Variants in MAML2 observed in about 807,000 individuals in gnomAD.
The protein encoded by MAML2 is mastermind like transcriptional coactivator 2.
In MAML2, 22 loss-of-function variants were observed where a neutral mutation model predicts 96.1. The ratio of observed to expected loss-of-function variants is 0.23; its 90% CI spans 0.16 to 0.33. The LOEUF is 0.33. Ranked by LOEUF, MAML2 falls within the 10% of genes least tolerant of loss-of-function variation. The pLI, the probability that MAML2 is intolerant of heterozygous loss-of-function variation, is 1.00. For synonymous variants in MAML2, 561 were observed against 521.3 expected, an observed-to-expected ratio of 1.08 and a Z score of -1.04; for missense variants, 1,367 against 1,392.4, an observed-to-expected ratio of 0.98 and a Z score of 0.29.
At chr11:96,147,359 T>C (rs908833489) in intron 1 of MAML2, among the ~76,000 whole-genome samples, 4 of 152,250 alleles carry the variant, frequency 2.6e-5, no homozygotes. Flanking sequence ...ATAACCCTTA[T>C]TTTTATACTT....
intron 1 of MAML2, among the ~76,000 whole-genome samples, chr11:96,101,832 T>C (rs564447810): frequency 1.3e-5 from 2 of 152,338 alleles, no homozygotes; most frequent in East Asian, 3.9e-4. Flanking sequence ...GATTTTTTTC[T>C]CCTCATCTGT....
In MAML2 at chr11:96,225,701, C is replaced by T. The variant is rs111391695; in HGVS notation, c.513+115682G>A. ...TACAAAAATTAGCTGGGCGTGGTGG[C>T]GGATACCTGTAGTCCCAGCTACTTG... On this transcript the variant is annotated intron_variant, in intron 1 of 4. Coordinates refer to ENST00000524717, the MANE Select transcript of MAML2 (RefSeq NM_032427.4). Among the ~76,000 whole-genome samples the T allele has an allele frequency of 8.1e-3, 1,231 of 152,008 alleles. 10 individuals are homozygous for T. The highest frequency in any genetic ancestry group is 0.021 in the East Asian group (109 of 5,164).
chr11:96,009,404 A>G (rs1384038755), intron 2 of MAML2, among the ~76,000 whole-genome samples: 1 of 152,200 alleles, frequency 6.6e-6, no homozygotes, highest in African/African-American at 2.4e-5. Context: ...TTTGAATTTA[A>G]CTGGGTCCTG....
chr11:96,003,296 AT>A (rs1858127229), intron 2 of MAML2, among the ~76,000 whole-genome samples: 1 of 152,226 alleles, frequency 6.6e-6, no homozygotes, highest in African/African-American at 2.4e-5. Context: ...AATACTTCTC[AT>A]TTTTTGAAAG....
chr11:96,247,560 C>T lies in MAML2; in HGVS notation c.513+93823G>A, dbSNP rs191402066. Among the ~76,000 whole-genome samples, 296 of 152,242 alleles carry T rather than the reference C, an allele frequency of 1.9e-3. 2 individuals are homozygous for T. The highest frequency in any genetic ancestry group is 6.9e-3 in the African/African-American group (285 of 41,540). ...AATACAACTTTGTCCACTTTGCAGA[C>T]GCCCACTGCCACTGCCCCTGCCCCT... On this transcript the variant is annotated intron_variant, in intron 1 of 4. Transcript: ENST00000524717.
chr11:96,171,033 T>A (rs1325940478), intron 1 of MAML2, among the ~76,000 whole-genome samples: 2 of 151,810 alleles, frequency 1.3e-5, no homozygotes, highest in East Asian at 1.9e-4. Context: ...TTTTTTTTTT[T>A]AAACTACTGG....
Position 95,979,062 on chromosome 11 carries a change from G to A in MAML2, c.3357C>T (p.Gly1119=). 6.2e-7 allele frequency: 1 copy of A among 1,613,972 alleles called. No homozygotes were observed. The highest frequency in any genetic ancestry group is 1.1e-5 in the South Asian group (1 of 91,086). Residue 1119 remains glycine (G), a synonymous_variant, in exon 5 of 5, where the codon GGC becomes GGT. Transcript: ENST00000524717. Reference sequence around the variant, plus strand: ...AATCAGCATCACTGTTTAGGGCAGGGCCCATGTTATCATTTTGTTGGCTGA... The same window carrying A: ...AATCAGCATCACTGTTTAGGGCAGGACCCATGTTATCATTTTGTTGGCTGA... The part of the protein sequence containing the change: ...DFLSQQNDNM[G]PALNSDADFI...
intron 2 of MAML2, among the ~76,000 whole-genome samples, chr11:96,009,800 G>A (rs551162571): frequency 1.7e-4 from 26 of 152,156 alleles, no homozygotes; most frequent in African/African-American, 5.3e-4. Context: ...ATTTTGATAC[G>A]TTTTCCCCCT....
intron 1 of MAML2, among the ~76,000 whole-genome samples, chr11:96,260,959 A>G (rs1841854313): frequency 6.6e-6 from 1 of 152,200 alleles, no homozygotes. Context: ...GGTAAAACCA[A>G]TATAGCATAT....
Position 96,069,538 on chromosome 11 carries a change from C to T in MAML2, c.2139+22354G>A, listed in dbSNP as rs181219000. Among the ~76,000 whole-genome samples the T allele has an allele frequency of 3.3e-5, 5 of 151,928 alleles. No homozygotes were observed. The East Asian group carries it at 5.9e-4, about 18-fold the overall frequency. On this transcript the variant is annotated intron_variant, in intron 2 of 4. Transcript: ENST00000524717. ...AAAAAGTACACAAAAATTAGCCGGG[C>T]GTGGCACATGCCTGTAGTCTCTCAG...
intron 1 of MAML2, among the ~76,000 whole-genome samples, chr11:96,338,999 C>T (rs1430122029): frequency 1.3e-5 from 2 of 152,144 alleles, no homozygotes; most frequent in African/African-American, 2.4e-5. Flanking sequence ...CTCTGAGTAC[C>T]GTGCTGAGTA....
chr11:96,067,006 C>G (rs1024119718), intron 2 of MAML2, among the ~76,000 whole-genome samples: 1 of 152,100 alleles, frequency 6.6e-6, no homozygotes, highest in African/African-American at 2.4e-5. Flanking sequence ...TGTGTGCACA[C>G]GCATGCATGA....
intron 2 of MAML2, among the ~76,000 whole-genome samples, chr11:96,058,598 C>T (rs1391890411): frequency 6.6e-6 from 1 of 152,186 alleles, no homozygotes; most frequent in Non-Finnish European, 1.5e-5. Flanking sequence ...GGATTACAGG[C>T]ATGAGCCATC....
rs116127999 is a variant in MAML2 at position 96,110,073 on chromosome 11, G to A, written c.514-16556C>T. Among the ~76,000 whole-genome samples the A allele has an allele frequency of 6.5e-4, 99 of 152,260 alleles. 1 individual carries two copies. The South Asian group carries it at 0.01, about 16-fold the overall frequency. On this transcript the variant is annotated intron_variant, in intron 1 of 4. Coordinates refer to ENST00000524717, the MANE Select transcript of MAML2 (RefSeq NM_032427.4). Reference sequence around the variant, plus strand: ...TTTCAAGGAGGGAGTGAGCAACCTCGTCAAATGCTACAGAGGTCACCTGCG... The same window carrying A: ...TTTCAAGGAGGGAGTGAGCAACCTCATCAAATGCTACAGAGGTCACCTGCG...
intron 2 of MAML2, among the ~76,000 whole-genome samples, chr11:95,999,989 T>C (rs561837973): frequency 1.3e-5 from 2 of 152,328 alleles, no homozygotes; most frequent in African/African-American, 2.4e-5. Flanking sequence ...TGTCTGCCGA[T>C]GAAGCCATTT....
chr11:96,207,974 C>G (rs1363779301), intron 1 of MAML2, among the ~76,000 whole-genome samples: 1 of 152,158 alleles, frequency 6.6e-6, no homozygotes, highest in African/African-American at 2.4e-5. Flanking sequence ...CCTGTTTTCT[C>G]CATACTAACA....
intron 1 of MAML2, among the ~76,000 whole-genome samples, chr11:96,119,455 G>T (rs780078120): frequency 2.0e-5 from 3 of 152,214 alleles, no homozygotes; most frequent in African/African-American, 4.8e-5. Flanking sequence ...AGAGCCTCCA[G>T]AAGGAAGGCA....
At chr11:96,034,583 T>A (rs1228861110) in intron 2 of MAML2, among the ~76,000 whole-genome samples, 1 of 152,158 alleles carries the variant, frequency 6.6e-6, no homozygotes, top group Non-Finnish European at 1.5e-5. Context: ...TGCAAAAAAA[T>A]TTTGTGGAAG....
At chr11:96,314,046 G>C (rs1409237166) in intron 1 of MAML2, among the ~76,000 whole-genome samples, 2 of 152,176 alleles carry the variant, frequency 1.3e-5, no homozygotes, top group Non-Finnish European at 2.9e-5. Flanking sequence ...TCTCCCCATA[G>C]GGTCTTTGGG....
Sources: gnomAD v4.1 joint callset for allele counts (sites outside exome capture counted in the v4.1 genomes callset) on GRCh38, gnomAD v4.1.1 for gene constraint, MANE v1.5 for transcripts, NCBI Gene and HGNC (gene_info 2026-07-23, HGNC 2026-07-21) for gene names.